The following DEUP1 variants were observed in gnomAD, a reference collection of about 807,000 sequenced individuals.
DEUP1 encodes coiled-coil domain containing 67.
DEUP1 carries 82 observed loss-of-function variants against 87.4 expected under a neutral mutation model. The observed-to-expected ratio is 0.94, with a 90% CI of 0.78 to 1.13. The LOEUF (loss-of-function observed/expected upper bound fraction) is 1.13. Among genes scored for constraint, DEUP1 ranks in the 50% most tolerant of loss-of-function variants. DEUP1 has a pLI of 0.00. For missense variants in DEUP1, 663 were observed against 681.5 expected, an observed-to-expected ratio of 0.97 and a Z score of 0.30; for synonymous variants, 214 against 222.7, an observed-to-expected ratio of 0.96 and a Z score of 0.35.
intron 2 of DEUP1, among the ~76,000 whole-genome samples, chr11:93,338,298 C>T (rs1000450175): frequency 6.6e-6 from 1 of 151,396 alleles, no homozygotes; most frequent in Non-Finnish European, 1.5e-5. Flanking sequence ...CACTATAGGC[C>T]AGCGTATTCC....
chr11:93,340,311 G>A (rs186119158), intron 2 of DEUP1, among the ~76,000 whole-genome samples: 2 of 152,282 alleles, frequency 1.3e-5, no homozygotes, highest in Non-Finnish European at 2.9e-5. Context: ...TCCAGGCAGA[G>A]GAATCAGCAA....
At chr11:93,400,199 G>A (rs1947071262) in intron 11 of DEUP1, among the ~76,000 whole-genome samples, 1 of 152,252 alleles carries the variant, frequency 6.6e-6, no homozygotes, top group East Asian at 1.9e-4. Context: ...AGTACCAAAA[G>A]CTGGCTGGCT....
chr11:93,407,983 ATC>A (rs1947329994), intron 11 of DEUP1, among the ~76,000 whole-genome samples: 3 of 152,110 alleles, frequency 2.0e-5, no homozygotes, highest in Admixed American at 2.0e-4. Flanking sequence ...GTATTGCACC[ATC>A]CAACAGTGGG....
rs1948299075 is a variant in DEUP1, at chr11:93,438,101, A to T, written c.*382A>T. 1 of 159,702 alleles carries T rather than the reference A, an allele frequency of 6.3e-6. No individual in the cohort carries two copies. Among genetic ancestry groups the T allele is most frequent in the South Asian group, 1.9e-4 (1 of 5,336 alleles). The allele number at this position is 159,702 out of a possible 1,614,324, so 9.9% of individuals were successfully genotyped here. On this transcript the variant is annotated 3_prime_UTR_variant, in exon 14 of 14. Coordinates refer to ENST00000298050, the MANE Select transcript of DEUP1 (RefSeq NM_181645.4). Reference sequence around the variant, plus strand: ...GAGAAAGGGAAGTGCTATATTCCAGATACAAATGACTCAAAGGCAGCTCAG... The same window carrying T: ...GAGAAAGGGAAGTGCTATATTCCAGTTACAAATGACTCAAAGGCAGCTCAG...
At position 93,402,547 on chromosome 11, in the gene DEUP1, C is replaced by A. The variant is rs116664329; in HGVS notation, c.1327-5684C>A. Reference sequence around the variant, plus strand: ...AAGGAATCAATATATAAAAGAGATACCTGCACTCCTGTGTTTATTGCAGCA... The same window carrying A: ...AAGGAATCAATATATAAAAGAGATAACTGCACTCCTGTGTTTATTGCAGCA... On this transcript the variant is annotated intron_variant, in intron 11 of 13. Transcript: ENST00000298050. Among the ~76,000 whole-genome samples the A allele has an allele frequency of 3.4e-3, 522 of 152,080 alleles. 1 individual carries two copies. The highest frequency in any genetic ancestry group is 0.012 in the African/African-American group (498 of 41,530).
rs1182286485 is a variant in DEUP1, at chr11:93,437,640, C to T, written c.1736C>T (p.Thr579Ile). 2.5e-6 allele frequency: 4 copies of T among 1,609,620 alleles called. No individual in the cohort carries two copies. Among genetic ancestry groups the T allele is most frequent in the African/African-American group, 1.3e-5 (1 of 74,740 alleles). ...RAKELEKLLNTHIDELQRHTE... is the reference protein window; with the variant it reads ...RAKELEKLLNIHIDELQRHTE... Reference sequence around the variant, plus strand: ...AAAGAACTTGAAAAACTTCTAAATACACATATTGATGAACTGCAAAGACAC... The same window carrying T: ...AAAGAACTTGAAAAACTTCTAAATATACATATTGATGAACTGCAAAGACAC... Residue 579 changes from threonine (T) to isoleucine (I), a missense_variant, in exon 14 of 14, where the codon ACA becomes ATA. Thr to Ile is a moderately conservative substitution (Grantham distance 89). Coordinates refer to ENST00000298050, the MANE Select transcript of DEUP1 (RefSeq NM_181645.4).
chr11:93,365,105 A>G (rs1945349741), intron 5 of DEUP1, among the ~76,000 whole-genome samples: 1 of 151,520 alleles, frequency 6.6e-6, no homozygotes, highest in South Asian at 2.1e-4. Flanking sequence ...AATTTCTTTC[A>G]TTTTTCTCAA....
chr11:93,415,702 G>T (rs1255861951), intron 13 of DEUP1, among the ~76,000 whole-genome samples: 1 of 151,762 alleles, frequency 6.6e-6, no homozygotes, highest in African/African-American at 2.4e-5. Context: ...TTGCCAACTT[G>T]TAAATTTTAT....
chr11:93,420,354 A>G (rs1947836235), intron 13 of DEUP1, among the ~76,000 whole-genome samples: 1 of 152,236 alleles, frequency 6.6e-6, no homozygotes, highest in African/African-American at 2.4e-5. Flanking sequence ...GCCTTTGACA[A>G]AATTCAACAA....
chr11:93,345,876 A>C (rs1341532843), intron 2 of DEUP1, among the ~76,000 whole-genome samples: 1 of 151,764 alleles, frequency 6.6e-6, no homozygotes, highest in Non-Finnish European at 1.5e-5. Flanking sequence ...CCCATTTGTT[A>C]ATTTTTGCTT....
At chr11:93,400,672 G>T (rs1947088024) in intron 11 of DEUP1, among the ~76,000 whole-genome samples, 2 of 152,066 alleles carry the variant, frequency 1.3e-5, no homozygotes, top group African/African-American at 4.8e-5. Context: ...TAGGAATTTT[G>T]ATATACTATT....
chr11:93,371,338 A>C, intron 7 of DEUP1, 58 bp downstream of exon 7: 1 of 1,495,678 alleles, frequency 6.7e-7, no homozygotes, highest in Non-Finnish European at 9.0e-7. Context: ...ATGGTAACAC[A>C]TATAGAGATT....
intron 9 of DEUP1, 126 bp downstream of exon 9, chr11:93,389,251 A>G: frequency 1.5e-6 from 1 of 646,388 alleles, no homozygotes; most frequent in Non-Finnish European, 2.7e-6. Flanking sequence ...TAAGGTGATA[A>G]TCTACCAAGC....
chr11:93,419,059 C>A (rs1440739030), intron 13 of DEUP1, among the ~76,000 whole-genome samples: 1 of 151,360 alleles, frequency 6.6e-6, no homozygotes, highest in African/African-American at 2.4e-5. Flanking sequence ...GGAGGGATAG[C>A]ATTGGGAGAT....
At chr11:93,410,111 C>T (rs761426833) in intron 12 of DEUP1, among the ~76,000 whole-genome samples, 10 of 152,092 alleles carry the variant, frequency 6.6e-5, no homozygotes, top group African/African-American at 1.2e-4. Flanking sequence ...AGTACAGCCC[C>T]GTCCTACTTT....
chr11:93,385,384 A>G lies in DEUP1; in HGVS notation c.790-14A>G. 1 of 1,610,680 alleles carries G rather than the reference A, an allele frequency of 6.2e-7. No homozygotes were observed. The highest frequency in any genetic ancestry group is 1.1e-5 in the South Asian group (1 of 90,108). ...CCAACAATGAGCATGAAATTTTTTG[A>G]TGTTTTTATTCAGGCCATGGAAGCA... On this transcript the variant is annotated splice_polypyrimidine_tract_variant and intron_variant, in intron 7 of 13. Transcript: ENST00000298050.
chr11:93,432,350 G>A (rs1055253808), intron 13 of DEUP1, among the ~76,000 whole-genome samples: 1 of 152,154 alleles, frequency 6.6e-6, no homozygotes, highest in Non-Finnish European at 1.5e-5. Flanking sequence ...AATGGATGTG[G>A]AATAATGAGG....
rs773860658 is a variant in DEUP1 at position 93,387,027 on chromosome 11, G to A, written c.935+1484G>A. ...AATCTTGCACTTATTTATATATTTG[G>A]CCAGTAAAAACTTTTTTGTTCTGCC... On this transcript the variant is annotated intron_variant, in intron 8 of 13. Transcript: ENST00000298050. Among the ~76,000 whole-genome samples the A allele has an allele frequency of 1.1e-3, 171 of 152,030 alleles. 2 individuals are homozygous for A. Among genetic ancestry groups the A allele is most frequent in the Middle Eastern group, 0.01 (3 of 294 alleles).
intron 9 of DEUP1, among the ~76,000 whole-genome samples, chr11:93,391,887 T>C (rs1946775669): frequency 6.6e-6 from 1 of 152,128 alleles, no homozygotes. Flanking sequence ...TGTAATATTG[T>C]CCTCCGGGTT....
Sources: allele counts gnomAD v4.1 joint callset (sites outside exome capture counted in the v4.1 genomes callset), GRCh38; gene constraint gnomAD v4.1.1; transcripts MANE v1.5; gene names NCBI Gene and HGNC (gene_info 2026-07-23, HGNC 2026-07-21).